Variants in LCOR observed in about 807,000 individuals in gnomAD.
LCOR encodes the protein ligand dependent nuclear receptor corepressor.
In LCOR, 14 loss-of-function variants were observed where a neutral mutation model predicts 64.4. That is an observed-to-expected ratio of 0.22 (90% CI 0.14 to 0.34). LCOR has a LOEUF of 0.34. LCOR is among the 10% of genes least tolerant of loss of function. LCOR has a pLI of 1.00. For missense variants in LCOR, 1,686 were observed against 1,765.3 expected (o/e 0.96, Z 0.80); for synonymous variants, 643 against 642.5 (o/e 1.00, Z -0.01).
chr10:96,849,119 G>T (rs1845684320), intron 2 of LCOR, among the ~76,000 whole-genome samples: 1 of 124,222 alleles, frequency 8.1e-6, no homozygotes, highest in Non-Finnish European at 1.6e-5. Context: ...TATAGCCGAG[G>T]CTGGAGTGCA....
intron 2 of LCOR, among the ~76,000 whole-genome samples, chr10:96,833,727 A>G (rs114114314): frequency 0.021 from 3,210 of 152,324 alleles, 115 homozygotes; most frequent in African/African-American, 0.073. Context: ...GGCAGAATCT[A>G]GGAGAGTCTA....
chr10:96,961,531 T>C (rs1414578592), intron 7 of LCOR: 2 of 152,120 alleles, frequency 1.3e-5, no homozygotes, highest in South Asian at 4.1e-4. Flanking sequence ...CTTAAACTTT[T>C]TAGATTTGTC....
At chr10:96,854,669 A>T (rs1474288382) in intron 2 of LCOR, among the ~76,000 whole-genome samples, 1 of 152,176 alleles carries the variant, frequency 6.6e-6, no homozygotes, top group Non-Finnish European at 1.5e-5. Context: ...TCAAGCACTT[A>T]ATAGGTGCTA....
At chr10:96,934,712 G>A (rs1001972934) in intron 4 of LCOR, among the ~76,000 whole-genome samples, 4 of 151,788 alleles carry the variant, frequency 2.6e-5, no homozygotes, top group Admixed American at 6.6e-5. Context: ...GGAGATTCTC[G>A]TGCCTCAGCC....
intron 2 of LCOR, among the ~76,000 whole-genome samples, chr10:96,840,366 A>G (rs1014971100): frequency 2.0e-5 from 3 of 152,226 alleles, no homozygotes; most frequent in Non-Finnish European, 1.5e-5. Flanking sequence ...TGAATTTTAC[A>G]TAGTAAAAAC....
At chr10:96,963,891 A>G (rs1055425421) in intron 7 of LCOR, 18 of 152,226 alleles carry the variant, frequency 1.2e-4, no homozygotes, top group African/African-American at 4.1e-4. Flanking sequence ...GGTATCTTTC[A>G]GATTTCTAGA....
At chr10:96,854,567 TC>T (rs1845772281) in intron 2 of LCOR, among the ~76,000 whole-genome samples, 1 of 152,210 alleles carries the variant, frequency 6.6e-6, no homozygotes, top group Non-Finnish European at 1.5e-5. Flanking sequence ...CCTCAAGTGA[TC>T]CGCTGACCTC....
At chr10:96,861,866 T>C (rs1166606154) in intron 2 of LCOR, among the ~76,000 whole-genome samples, 1 of 152,126 alleles carries the variant, frequency 6.6e-6, no homozygotes, top group Non-Finnish European at 1.5e-5. Context: ...TCCAACACTA[T>C]CTACCTGGAG....
intron 2 of LCOR, among the ~76,000 whole-genome samples, chr10:96,871,067 A>G (rs1015417428): frequency 7.9e-5 from 12 of 152,058 alleles, no homozygotes; most frequent in Non-Finnish European, 1.6e-4. Context: ...ATGTGTGTGT[A>G]TATATAAGAG....
At chr10:96,960,420 A>C (rs1217741632) in intron 7 of LCOR, 2 of 152,116 alleles carry the variant, frequency 1.3e-5, no homozygotes, top group Admixed American at 1.3e-4. Context: ...ATCTTTGTAG[A>C]TTTCCTTTTG....
chr10:96,941,266 G>A (rs1227455016), intron 4 of LCOR, among the ~76,000 whole-genome samples: 1 of 144,070 alleles, frequency 6.9e-6, no homozygotes, highest in African/African-American at 2.6e-5. Flanking sequence ...TCCCGGACGG[G>A]GCGGCTGGCC....
At chr10:96,958,164 A>C in intron 7 of LCOR, 1 of 1,266,738 alleles carries the variant, frequency 7.9e-7, no homozygotes, top group African/African-American at 1.5e-5. Flanking sequence ...CAGGATTGCT[A>C]CAAAAAGGTC....
At chr10:96,904,401 A>G (rs1480390516) in intron 2 of LCOR, among the ~76,000 whole-genome samples, 1 of 152,172 alleles carries the variant, frequency 6.6e-6, no homozygotes, top group East Asian at 1.9e-4. Context: ...AGGTAGGGTC[A>G]AATTATAAGC....
intron 2 of LCOR, among the ~76,000 whole-genome samples, chr10:96,886,217 CT>C (rs1173110843): frequency 3.3e-5 from 5 of 152,090 alleles, no homozygotes; most frequent in African/African-American, 1.2e-4. Context: ...TTTATATTTG[CT>C]TTGTTGAAGT....
At chr10:96,925,029 C>G (rs553111013) in intron 4 of LCOR, among the ~76,000 whole-genome samples, 1 of 151,698 alleles carries the variant, frequency 6.6e-6, no homozygotes, top group African/African-American at 2.4e-5. Context: ...AGAATGGTTC[C>G]TCAACCATTT....
chr10:96,922,878 A>G (rs1847104192), intron 4 of LCOR, among the ~76,000 whole-genome samples: 1 of 152,182 alleles, frequency 6.6e-6, no homozygotes, highest in African/African-American at 2.4e-5. Context: ...AGGTTTGTAC[A>G]TTTTGAATGC....
chr10:96,900,446 G>GA (rs1295924019), intron 2 of LCOR, among the ~76,000 whole-genome samples: 1 of 151,204 alleles, frequency 6.6e-6, no homozygotes, highest in Non-Finnish European at 1.5e-5. Flanking sequence ...ATGGATAATT[G>GA]AAAAAAATTA....
At position 96,871,668 on chromosome 10, in the gene LCOR, C is replaced by T. The variant is rs199509469; in HGVS notation, c.-329-35597C>T. On this transcript the variant is annotated intron_variant, in intron 2 of 7. Coordinates refer to ENST00000421806, the MANE Select transcript of LCOR (RefSeq NM_001346516.2). ...TTGAACTCTTGAGCTCAAAGCAAAT[C>T]GGCATGCCTTGGCCTCCCAAAGTCC... 1.3e-4 allele frequency among the ~76,000 whole-genome samples: 20 copies of T among 151,842 alleles called. 1 individual carries two copies. In the East Asian group the frequency reaches 3.5e-3, roughly 26 times the overall value.
intron 2 of LCOR, among the ~76,000 whole-genome samples, chr10:96,904,936 CTAAT>C (rs1269911252): frequency 6.6e-6 from 1 of 152,124 alleles, no homozygotes; most frequent in African/African-American, 2.4e-5. Context: ...TTTACAGTAT[CTAAT>C]CAATAATATT....
Sources: gnomAD v4.1 joint callset for allele counts (sites outside exome capture counted in the v4.1 genomes callset) on GRCh38, gnomAD v4.1.1 for gene constraint, MANE v1.5 for transcripts, NCBI Gene and HGNC (gene_info 2026-07-23, HGNC 2026-07-21) for gene names.